CHCHD6: variants seen among roughly 807,000 people sequenced by gnomAD.
CHCHD6 encodes the protein MICOS complex subunit MIC25.
In CHCHD6, 28 loss-of-function variants were observed where a neutral mutation model predicts 32.3. The ratio of observed to expected loss-of-function variants is 0.87; its 90% CI spans 0.64 to 1.19. The LOEUF (loss-of-function observed/expected upper bound fraction) is 1.19, where lower values mean the gene tolerates loss of function less well. Among genes scored for constraint, CHCHD6 ranks in the 50% most tolerant of loss-of-function variants. CHCHD6 has a pLI of 0.00. For missense variants in CHCHD6, 333 were observed against 307.0 expected, an observed-to-expected ratio of 1.08 and a Z score of -0.63; for synonymous variants, 122 against 117.5, an observed-to-expected ratio of 1.04 and a Z score of -0.25.
intron 4 of CHCHD6, among the ~76,000 whole-genome samples, chr3:126,804,634 G>A (rs1939262979): frequency 6.6e-6 from 1 of 152,144 alleles, no homozygotes; most frequent in Non-Finnish European, 1.5e-5. Context: ...GGAGGAACTG[G>A]TACCATTCCT....
chr3:126,851,787 C>G (rs1252158016), intron 4 of CHCHD6, among the ~76,000 whole-genome samples: 1 of 152,218 alleles, frequency 6.6e-6, no homozygotes. Context: ...AGACCTTGCC[C>G]ACTTCTGTTG....
At chr3:126,714,103 A>AAAAT (rs1162121930) in intron 1 of CHCHD6, among the ~76,000 whole-genome samples, 8 of 146,254 alleles carry the variant, frequency 5.5e-5, no homozygotes, top group African/African-American at 1.5e-4. Flanking sequence ...AAAAAAAAAA[A>AAAAT]GTTGGGAGGC....
intron 1 of CHCHD6, among the ~76,000 whole-genome samples, chr3:126,717,609 T>TA (rs1935080347): frequency 1.3e-5 from 2 of 152,048 alleles, no homozygotes; most frequent in South Asian, 4.1e-4. Flanking sequence ...CTCTAAAAAA[T>TA]AAAAAAAGAA....
chr3:126,939,142 C>G (rs529278530), intron 6 of CHCHD6, among the ~76,000 whole-genome samples: 1 of 152,148 alleles, frequency 6.6e-6, no homozygotes, highest in Non-Finnish European at 1.5e-5. Context: ...GAGTAAGGTT[C>G]CAGTTCAAGC....
At chr3:126,770,082 G>A (rs902216717) in intron 4 of CHCHD6, among the ~76,000 whole-genome samples, 9 of 152,000 alleles carry the variant, frequency 5.9e-5, no homozygotes, top group African/African-American at 1.5e-4. Context: ...TGTATTCTAA[G>A]GTATTTTATT....
At chr3:126,889,978 G>GT (rs2077733630) in intron 5 of CHCHD6, among the ~76,000 whole-genome samples, 1 of 121,602 alleles carries the variant, frequency 8.2e-6, no homozygotes, top group African/African-American at 4.0e-5. Context: ...AGCTGACAGC[G>GT]TTGACGGGCT....
At chr3:126,949,062 A>G (rs967399930) in intron 6 of CHCHD6, among the ~76,000 whole-genome samples, 8 of 152,218 alleles carry the variant, frequency 5.3e-5, no homozygotes, top group Non-Finnish European at 5.9e-5. Flanking sequence ...GTGCATTAAT[A>G]GACAGTGGTG....
chr3:126,779,372 A>C (rs1937808240), intron 4 of CHCHD6, among the ~76,000 whole-genome samples: 1 of 152,014 alleles, frequency 6.6e-6, no homozygotes, highest in Non-Finnish European at 1.5e-5. Context: ...CCCTGTTTCC[A>C]CTAAAAATAC....
intron 1 of CHCHD6, among the ~76,000 whole-genome samples, chr3:126,724,220 G>C (rs1300561646): frequency 3.9e-5 from 6 of 152,158 alleles, no homozygotes; most frequent in South Asian, 2.1e-4. Flanking sequence ...TCTCTGAGAA[G>C]CACATGTGTG....
intron 1 of CHCHD6, among the ~76,000 whole-genome samples, chr3:126,710,462 T>G (rs59312431): frequency 6.6e-6 from 1 of 152,244 alleles, no homozygotes; most frequent in African/African-American, 2.4e-5. Context: ...GTTTGTCAAC[T>G]TCTGCAAAGA....
intron 4 of CHCHD6, among the ~76,000 whole-genome samples, chr3:126,792,078 A>G (rs1046443591): frequency 2.0e-5 from 3 of 152,098 alleles, no homozygotes; most frequent in African/African-American, 7.2e-5. Context: ...GTAATATTCC[A>G]TTGTGTATAT....
At chr3:126,912,364 G>T (rs1343726539) in intron 5 of CHCHD6, among the ~76,000 whole-genome samples, 2 of 152,138 alleles carry the variant, frequency 1.3e-5, no homozygotes, top group African/African-American at 2.4e-5. Flanking sequence ...GTGGATACTG[G>T]ACTGGTCGAG....
At chr3:126,787,790 C>A (rs965391807) in intron 4 of CHCHD6, among the ~76,000 whole-genome samples, 2 of 152,178 alleles carry the variant, frequency 1.3e-5, no homozygotes, top group Admixed American at 6.5e-5. Flanking sequence ...GTTTGACTTC[C>A]TCTTTTCCTA....
intron 4 of CHCHD6, among the ~76,000 whole-genome samples, chr3:126,844,395 A>T (rs1392891955): frequency 2.0e-5 from 3 of 152,184 alleles, no homozygotes; most frequent in Non-Finnish European, 4.4e-5. Flanking sequence ...GAGTTTTATT[A>T]TAAGTACCTA....
At chr3:126,914,042 C>T (rs1006940270) in intron 5 of CHCHD6, among the ~76,000 whole-genome samples, 2 of 152,162 alleles carry the variant, frequency 1.3e-5, no homozygotes, top group African/African-American at 2.4e-5. Context: ...TGGATGCTCC[C>T]CTTAACAATC....
intron 4 of CHCHD6, among the ~76,000 whole-genome samples, chr3:126,802,227 G>A (rs1267569417): frequency 2.0e-5 from 3 of 152,248 alleles, no homozygotes; most frequent in Non-Finnish European, 4.4e-5. Flanking sequence ...TGACTTTGAT[G>A]AGTTGAGAGA....
At chr3:126,714,063 C>G (rs1374599743) in intron 1 of CHCHD6, among the ~76,000 whole-genome samples, 2 of 111,242 alleles carry the variant, frequency 1.8e-5, no homozygotes, top group African/African-American at 7.9e-5. Context: ...GGCGACAGAG[C>G]CAGACTGCAT....
chr3:126,793,538 A>T (rs1938649994), intron 4 of CHCHD6, among the ~76,000 whole-genome samples: 1 of 152,240 alleles, frequency 6.6e-6, no homozygotes, highest in Non-Finnish European at 1.5e-5. Flanking sequence ...GGGTTGTCTT[A>T]AATATTACCT....
intron 5 of CHCHD6, among the ~76,000 whole-genome samples, chr3:126,903,264 A>G (rs568585835): frequency 1.4e-4 from 22 of 152,296 alleles, no homozygotes; most frequent in East Asian, 7.7e-4. Context: ...CCAAATGCAC[A>G]ATGTCTGTAG....
Sources: gnomAD v4.1 joint callset for allele counts (sites outside exome capture counted in the v4.1 genomes callset) on GRCh38, gnomAD v4.1.1 for gene constraint, MANE v1.5 for transcripts, NCBI Gene and HGNC (gene_info 2026-07-23, HGNC 2026-07-21) for gene names.